Variants in HERC1 observed in about 807,000 individuals in gnomAD.
HERC1 encodes probable E3 ubiquitin-protein ligase HERC1.
A neutral mutation model predicts 554.3 loss-of-function variants in HERC1; 160 were observed. The ratio of observed to expected loss-of-function variants is 0.29; its 90% CI spans 0.25 to 0.33. The LOEUF is 0.33. Among genes scored for constraint, HERC1 ranks in the 10% least tolerant of loss-of-function variants. HERC1 has a pLI of 1.00. For missense variants in HERC1, 4,919 were observed against 5,918.5 expected (o/e 0.83, Z 5.54); for synonymous variants, 2,175 against 2,131.7 (o/e 1.02, Z -0.56).
At chr15:63,627,058 G>C (rs1408942890) in intron 70 of HERC1, among the ~76,000 whole-genome samples, 1 of 152,176 alleles carries the variant, frequency 6.6e-6, no homozygotes, top group Admixed American at 6.5e-5. Context: ...ACACTGGATA[G>C]CTTCTGCCCT....
At chr15:63,804,489 G>C (rs973325847) in intron 1 of HERC1, among the ~76,000 whole-genome samples, 3 of 152,082 alleles carry the variant, frequency 2.0e-5, no homozygotes, top group Non-Finnish European at 4.4e-5. Context: ...GGGAGGCTGA[G>C]GCAGGAGAAT....
In HERC1 at chr15:63,727,588, G is replaced by A. The variant is rs1432103498; in HGVS notation, c.3346+59C>T. ...CTCCAATGGAAAAACACAGTGATGT[G>A]TGCAAGAGGAACAACTTTTCTCAAA... On this transcript the variant is annotated intron_variant, in intron 17 of 77. Transcript: ENST00000443617. The surrounding 1 kb of genome is among the most constrained non-coding windows in gnomAD (Gnocchi z 4.3). The A allele has an allele frequency of 8.0e-7, 1 of 1,252,834 alleles. No individual in the cohort carries two copies. The highest frequency in any genetic ancestry group is 2.0e-5 in the Admixed American group (1 of 49,056). The allele number at this position is 1,252,834 out of a possible 1,614,324, so 77.6% of individuals were successfully genotyped here. A position where few individuals can be genotyped will look rare whatever the true frequency, so the allele number is the denominator to read the frequency against.
chr15:63,820,188 G>A (rs2077637598), intron 1 of HERC1, among the ~76,000 whole-genome samples: 1 of 152,114 alleles, frequency 6.6e-6, no homozygotes, highest in Non-Finnish European at 1.5e-5. Flanking sequence ...TGTTCAGTGT[G>A]CTAGTGTTAT....
chr15:63,811,384 T>A (rs549054174), intron 1 of HERC1, among the ~76,000 whole-genome samples: 3 of 152,150 alleles, frequency 2.0e-5, no homozygotes, highest in African/African-American at 4.8e-5. Context: ...CACCAAAATG[T>A]TGCAATTTGT....
intron 48 of HERC1, among the ~76,000 whole-genome samples, chr15:63,656,932 T>A (rs1219455062): frequency 6.6e-6 from 1 of 152,222 alleles, no homozygotes; most frequent in African/African-American, 2.4e-5. Flanking sequence ...AGTTCATTTA[T>A]CCCTACAGAT....
Position 63,678,232 on chromosome 15 carries a change from C to A in HERC1, c.6683G>T (p.Arg2228Leu). 1 of 1,613,672 alleles carries A rather than the reference C, an allele frequency of 6.2e-7. No homozygotes were observed. Among genetic ancestry groups the A allele is most frequent in the Non-Finnish European group, 8.5e-7 (1 of 1,179,778 alleles). Residue 2228 changes from arginine to leucine, a missense_variant, in exon 37 of 78, where the codon CGT becomes CTT. This residue lies in a region of HERC1 where 1,963 missense variants were observed against 2,228.6 expected (regional missense o/e 0.88). Transcript: ENST00000443617. ...QLIRILHRTD[R>L]WTYCINKKMM... ...TTTTTTGTTAATGCAGTAAGTCCAA[C>A]GGTCTGTTCGGTGAAGGATACGGAT...
intron 1 of HERC1, among the ~76,000 whole-genome samples, chr15:63,815,752 G>A (rs1345110145): frequency 1.3e-5 from 2 of 152,144 alleles, no homozygotes; most frequent in Non-Finnish European, 2.9e-5. Context: ...TCATGCTGCT[G>A]TGAAGAAATA....
chr15:63,803,776 A>C (rs1596295534), intron 1 of HERC1, among the ~76,000 whole-genome samples: 1 of 152,358 alleles, frequency 6.6e-6, no homozygotes, highest in East Asian at 1.9e-4. Context: ...AGAAACTTGC[A>C]AGGCAGGAAG....
chr15:63,685,345 C>T (rs1188221644), intron 34 of HERC1, among the ~76,000 whole-genome samples: 1 of 152,244 alleles, frequency 6.6e-6, no homozygotes, highest in East Asian at 1.9e-4. Context: ...ATCATGTTAA[C>T]CTGTGCTGCC....
intron 27 of HERC1, among the ~76,000 whole-genome samples, chr15:63,695,840 A>G (rs2072379585): frequency 6.6e-6 from 1 of 152,206 alleles, no homozygotes; most frequent in South Asian, 2.1e-4. Context: ...CCATCCTCCC[A>G]AACTCCAATC....
At chr15:63,666,575 G>A (rs1233688878) in intron 40 of HERC1, 103 bp from the exon 41 acceptor site, 30 of 707,490 alleles carry the variant, frequency 4.2e-5, no homozygotes, top group Non-Finnish European at 7.2e-5. Context: ...CAAGTTTAAT[G>A]AAATTTTCCT....
intron 1 of HERC1, among the ~76,000 whole-genome samples, chr15:63,789,078 GTTTTTTTT>G (rs71131178): frequency 7.5e-3 from 623 of 83,330 alleles, no homozygotes; most frequent in East Asian, 0.01. Flanking sequence ...GGAATAAAAG[GTTTTTTTT>G]TTTTTTTTTT....
chr15:63,826,651 AT>A (rs1479980077), intron 1 of HERC1, among the ~76,000 whole-genome samples: 1 of 151,442 alleles, frequency 6.6e-6, no homozygotes, highest in Non-Finnish European at 1.5e-5. Context: ...AATAAGCTAC[AT>A]GTATGAATGC....
intron 25 of HERC1, among the ~76,000 whole-genome samples, chr15:63,704,181 A>T (rs1172960894): frequency 6.6e-6 from 1 of 152,236 alleles, no homozygotes; most frequent in Non-Finnish European, 1.5e-5. Flanking sequence ...GTCAAAGGGC[A>T]GTCACTAAAT....
At chr15:63,767,104 C>T (rs1253067296) in intron 2 of HERC1, among the ~76,000 whole-genome samples, 1 of 151,614 alleles carries the variant, frequency 6.6e-6, no homozygotes, top group African/African-American at 2.4e-5. Flanking sequence ...CGGGTTTAAG[C>T]AATTCCCCTG....
chr15:63,626,781 A>G (rs2068319749), intron 70 of HERC1, among the ~76,000 whole-genome samples: 1 of 152,246 alleles, frequency 6.6e-6, no homozygotes, highest in Non-Finnish European at 1.5e-5. Flanking sequence ...TCCTGTAAAT[A>G]AAGACTGGTA....
Position 63,775,758 on chromosome 15 carries a change from C to T in HERC1, c.-26-109G>A. On this transcript the variant is annotated intron_variant, in intron 1 of 77. Coordinates refer to ENST00000443617, the MANE Select transcript of HERC1 (RefSeq NM_003922.4). The surrounding 1 kb of genome is among the most constrained non-coding windows in gnomAD (Gnocchi z 4.0). ...ATGATTTCAAACTGGTGAAATGCAG[C>T]CGGGTGCGGTGGCTCACGCCTGTAA... is the stretch of plus-strand genomic sequence containing the variant. The T allele has an allele frequency of 1.2e-6, 1 of 802,484 alleles. No homozygotes were observed. Among genetic ancestry groups the T allele is most frequent in the Admixed American group, 3.0e-5 (1 of 32,838 alleles). The allele number at this position is 802,484 out of a possible 1,614,324, so 49.7% of individuals were successfully genotyped here. A position where few individuals can be genotyped will look rare whatever the true frequency, so the allele number is the denominator to read the frequency against.
chr15:63,665,315 CGAAGTCTGGAGTTCG>C (rs2070566535), intron 42 of HERC1, among the ~76,000 whole-genome samples: 1 of 152,142 alleles, frequency 6.6e-6, no homozygotes, highest in Non-Finnish European at 1.5e-5. Flanking sequence ...GGGTGGATCA[CGAAGTCTGGAGTTCG>C]AGACCGTCCT....
intron 21 of HERC1, among the ~76,000 whole-genome samples, chr15:63,717,744 T>C (rs541814610): frequency 1.3e-5 from 2 of 152,086 alleles, no homozygotes; most frequent in Non-Finnish European, 2.9e-5. Flanking sequence ...TGGTGGTGCA[T>C]GCCTGTAATC....
Sources: gnomAD v4.1 joint callset for allele counts (sites outside exome capture counted in the v4.1 genomes callset) on GRCh38, gnomAD v4.1.1 for gene constraint, gnomAD v4.1.1 regional missense constraint, Gnocchi (gnomAD v3.1) non-coding constraint, MANE v1.5 for transcripts, NCBI Gene and HGNC (gene_info 2026-07-23, HGNC 2026-07-21) for gene names.